TMEM132C: variants seen among roughly 807,000 people sequenced by gnomAD.
TMEM132C encodes the protein protein phosphatase 1, regulatory subunit 152.
A neutral mutation model predicts 61.4 loss-of-function variants in TMEM132C; 29 were observed. That is an observed-to-expected ratio of 0.47 (90% confidence interval 0.35 to 0.64). The LOEUF (loss-of-function observed/expected upper bound fraction) is 0.64. TMEM132C is among the 30% of genes least tolerant of loss of function. The pLI, the probability that TMEM132C is intolerant of heterozygous loss-of-function variation, is 0.00. For missense variants in TMEM132C, 1,408 were observed against 1,476.9 expected (o/e 0.95, Z 0.76); for synonymous variants, 656 against 633.1 (o/e 1.04, Z -0.54).
chr12:128,400,968 TG>T (rs1361961680), intron 1 of TMEM132C, among the ~76,000 whole-genome samples: 1 of 152,108 alleles, frequency 6.6e-6, no homozygotes, highest in Non-Finnish European at 1.5e-5. Context: ...AATGTACCCT[TG>T]GGAGCAAAAC....
chr12:128,385,169 C>T (rs1278873485), intron 1 of TMEM132C, among the ~76,000 whole-genome samples: 1 of 152,112 alleles, frequency 6.6e-6, no homozygotes. Context: ...CTCCCTCTTC[C>T]CATCTGTGGA....
chr12:128,317,806 A>T (rs1872200797), intron 1 of TMEM132C, among the ~76,000 whole-genome samples: 2 of 152,188 alleles, frequency 1.3e-5, no homozygotes, highest in South Asian at 4.1e-4. Context: ...GACGGCTTGA[A>T]CCTGGGAGGC....
At chr12:128,472,104 T>G (rs1194735895) in intron 2 of TMEM132C, among the ~76,000 whole-genome samples, 1 of 152,174 alleles carries the variant, frequency 6.6e-6, no homozygotes, top group Non-Finnish European at 1.5e-5. Flanking sequence ...AGGAGGCACC[T>G]GCACGTACCC....
intron 5 of TMEM132C, among the ~76,000 whole-genome samples, chr12:128,673,656 C>CA (rs1229560882): frequency 6.6e-6 from 1 of 152,220 alleles, no homozygotes; most frequent in Non-Finnish European, 1.5e-5. Flanking sequence ...TGCTGAAATG[C>CA]AAGCATATCA....
In TMEM132C at chr12:128,415,570, G is replaced by A. The variant is rs930077251; in HGVS notation, c.924G>A (p.Thr308=). The A allele has an allele frequency of 3.0e-5, 47 of 1,549,768 alleles. No individual in the cohort carries two copies. Among genetic ancestry groups the A allele is most frequent in the South Asian group, 4.8e-5 (4 of 83,850 alleles). Residue 308 remains threonine (T), a synonymous_variant, in exon 2 of 9, where the codon ACG becomes ACA. Coordinates refer to ENST00000435159, the MANE Select transcript of TMEM132C (RefSeq NM_001136103.3). This position sits in a 1 kb window ranked among gnomAD's most constrained non-coding sequence, Gnocchi z 5.8. ...CAGTCAAGCAGGGAGAGGTGGTCAC[G>A]GCCTATGTCACCATCTCGAGCAATT... ...SRPVKQGEVV[T]AYVTISSNSS...
chr12:128,444,895 T>A (rs577722525), intron 2 of TMEM132C, among the ~76,000 whole-genome samples: 24 of 152,108 alleles, frequency 1.6e-4, no homozygotes, highest in Non-Finnish European at 3.2e-4. Context: ...AAGAACTCAT[T>A]AAGAAATTAT....
chr12:128,501,500 A>G (rs372030110), intron 2 of TMEM132C, among the ~76,000 whole-genome samples: 1 of 152,180 alleles, frequency 6.6e-6, no homozygotes, highest in African/African-American at 2.4e-5. Flanking sequence ...GCTTGAGACC[A>G]TGGAAACCAT....
chr12:128,572,929 G>T (rs557833139), intron 3 of TMEM132C, among the ~76,000 whole-genome samples: 1 of 152,154 alleles, frequency 6.6e-6, no homozygotes, highest in South Asian at 2.1e-4. Flanking sequence ...TTAGAATGGC[G>T]ATCATTAAAA....
At chr12:128,393,943 C>T (rs1036287889) in intron 1 of TMEM132C, among the ~76,000 whole-genome samples, 6 of 152,122 alleles carry the variant, frequency 3.9e-5, no homozygotes, top group African/African-American at 9.7e-5. Context: ...TAAGTGCATG[C>T]GAGGCTGAGA....
chr12:128,657,749 A>G (rs1370241351), intron 4 of TMEM132C, among the ~76,000 whole-genome samples: 2 of 152,210 alleles, frequency 1.3e-5, no homozygotes, highest in African/African-American at 2.4e-5. Flanking sequence ...TTACAGAAAA[A>G]TGGAACCTAT....
chr12:128,627,979 T>TCAGGTG (rs1954032648), intron 4 of TMEM132C, among the ~76,000 whole-genome samples: 1 of 151,946 alleles, frequency 6.6e-6, no homozygotes, highest in African/African-American at 2.4e-5. Context: ...AGGTGCAGGT[T>TCAGGTG]CAGGTGCAGG....
chr12:128,567,263 C>A, intron 3 of TMEM132C, among the ~76,000 whole-genome samples: 1 of 152,034 alleles, frequency 6.6e-6, no homozygotes, highest in East Asian at 1.9e-4. Flanking sequence ...AAGTGCCAAC[C>A]CAAACTCAAT....
chr12:128,552,510 T>C (rs759615138), intron 3 of TMEM132C, among the ~76,000 whole-genome samples: 1 of 152,170 alleles, frequency 6.6e-6, no homozygotes, highest in African/African-American at 2.4e-5. Flanking sequence ...AGGCAAATCA[T>C]AAAAATGTTT....
At position 128,669,567 on chromosome 12, in the gene TMEM132C, C is replaced by A; in HGVS notation, c.1449+7C>A. The A allele has an allele frequency of 6.4e-7, 1 of 1,550,948 alleles. No homozygotes were observed. The highest frequency in any genetic ancestry group is 1.2e-5 in the South Asian group (1 of 83,810). ...AGACGAGGACGTTATCAAAGTAAGT[C>A]ATTCCACAGCCAGCTGGATGGAACC... On this transcript the variant is annotated splice_region_variant and intron_variant, in intron 5 of 8. Transcript: ENST00000435159.
Position 128,705,901 on chromosome 12 carries a change from C to A in TMEM132C, c.2933C>A (p.Ala978Asp). Reference sequence around the variant, plus strand: ...GACTGGGTGTGGCTTGGCAATGAGGCCGAACTCCTGGAGAGCATGGGGGAT... The same window carrying A: ...GACTGGGTGTGGCTTGGCAATGAGGACGAACTCCTGGAGAGCATGGGGGAT... ...SHDWVWLGNE[A>D]ELLESMGDAP... Residue 978 changes from alanine to aspartate, a missense_variant, in exon 9 of 9, where the codon GCC becomes GAC. Physicochemically the swap from Ala to Asp is moderately radical, Grantham distance 126. Coordinates refer to ENST00000435159, the MANE Select transcript of TMEM132C (RefSeq NM_001136103.3). 6.4e-7 allele frequency: 1 copy of A among 1,551,356 alleles called. No homozygotes were observed.
At position 128,269,347 on chromosome 12, in the gene TMEM132C, C is replaced by CGTGTGTGTGTGTGTGTGTGTGTGT. The variant is rs58843737; in HGVS notation, c.85+1867_85+1890dup. Among the ~76,000 whole-genome samples the CGTGTGTGTGTGTGTGTGTGTGTGT allele has an allele frequency of 8.1e-3, 1,157 of 143,098 alleles. 23 individuals carry two copies. Among genetic ancestry groups the CGTGTGTGTGTGTGTGTGTGTGTGT allele is most frequent in the African/African-American group, 0.028 (1,059 of 37,214 alleles). 93.9% of individuals were successfully genotyped at this position (143,098 alleles called of 152,430 possible). A position where few individuals can be genotyped will look rare whatever the true frequency, so the allele number is the denominator to read the frequency against. ...CTGTTCTTCATTAAGGCTCACATTC[C>CGTGTGTGTGTGTGTGTGTGTGTGT]GTGTGTGTGTGTGTGTGTGTGTGTG... On this transcript the variant is annotated intron_variant, in intron 1 of 8. Transcript: ENST00000435159.
chr12:128,334,467 C>G (rs1408241118), intron 1 of TMEM132C, among the ~76,000 whole-genome samples: 4 of 152,202 alleles, frequency 2.6e-5, no homozygotes, highest in Admixed American at 2.0e-4. Context: ...CATCAACCCT[C>G]TTTAGAAGAC....
chr12:128,399,493 G>T (rs1192375644), intron 1 of TMEM132C, among the ~76,000 whole-genome samples: 2 of 152,100 alleles, frequency 1.3e-5, no homozygotes, highest in Non-Finnish European at 2.9e-5. Context: ...GTAAATGCTT[G>T]TATTATACAA....
intron 3 of TMEM132C, among the ~76,000 whole-genome samples, chr12:128,566,793 A>G (rs1375349372): frequency 6.6e-6 from 1 of 152,184 alleles, no homozygotes; most frequent in African/African-American, 2.4e-5. Flanking sequence ...TCGGGTTCCA[A>G]CATTCAACTT....
Sources: gnomAD v4.1 joint callset for allele counts (sites outside exome capture counted in the v4.1 genomes callset) on GRCh38, gnomAD v4.1.1 for gene constraint, Gnocchi (gnomAD v3.1) non-coding constraint, MANE v1.5 for transcripts, NCBI Gene and HGNC (gene_info 2026-07-23, HGNC 2026-07-21) for gene names.